SLC25A18: variants seen among roughly 807,000 people sequenced by gnomAD.
SLC25A18 encodes mitochondrial glutamate carrier 2.
SLC25A18 carries 24 observed loss-of-function variants against 31.1 expected under a neutral mutation model. That is an observed-to-expected ratio of 0.77 (90% CI 0.56 to 1.08). The LOEUF (loss-of-function observed/expected upper bound fraction) is 1.08, where lower values mean the gene tolerates loss of function less well. SLC25A18 is among the 50% of genes least tolerant of loss of function. The pLI is 0.00. For missense variants in SLC25A18, 371 were observed against 418.5 expected (o/e 0.89, Z 0.99); for synonymous variants, 173 against 161.9 (o/e 1.07, Z -0.52).
chr22:17,574,320 A>C (rs1326609576), intron 2 of SLC25A18, among the ~76,000 whole-genome samples: 2 of 152,276 alleles, frequency 1.3e-5, no homozygotes, highest in Non-Finnish European at 2.9e-5. Context: ...AATGCCAATC[A>C]AAAAGAAAAC....
chr22:17,569,555 T>C (rs2057033762), intron 1 of SLC25A18: 1 of 954,592 alleles, frequency 1.0e-6, no homozygotes, highest in African/African-American at 1.8e-5. Flanking sequence ...TGCAAAAGTG[T>C]TTGCGTTGCA....
intron 2 of SLC25A18, among the ~76,000 whole-genome samples, chr22:17,576,709 G>GCGAAAGGGAACTTC (rs1407473206): frequency 6.6e-6 from 1 of 152,178 alleles, no homozygotes; most frequent in Admixed American, 6.5e-5. Flanking sequence ...GCATAGGCCT[G>GCGAAAGGGAACTTC]CGAAAGGGAA....
intron 7 of SLC25A18, among the ~76,000 whole-genome samples, chr22:17,585,859 G>A (rs2057536020): frequency 1.3e-5 from 2 of 151,858 alleles, no homozygotes; most frequent in South Asian, 2.1e-4. Context: ...CTCCATGTTG[G>A]TCAGGCTGGT....
chr22:17,570,311 C>A (rs1404506548), intron 2 of SLC25A18: 1 of 152,324 alleles, frequency 6.6e-6, no homozygotes, highest in Non-Finnish European at 1.5e-5. Flanking sequence ...ACGTGGTCAT[C>A]ACCCTGAGGC....
At chr22:17,585,817 T>A (rs923999136) in intron 7 of SLC25A18, among the ~76,000 whole-genome samples, 2 of 151,244 alleles carry the variant, frequency 1.3e-5, no homozygotes, top group Non-Finnish European at 3.0e-5. Context: ...TCCAGCTAAT[T>A]TTTTTTTGTA....
At chr22:17,568,196 C>T (rs2056987352) in intron 1 of SLC25A18, among the ~76,000 whole-genome samples, 1 of 151,732 alleles carries the variant, frequency 6.6e-6, no homozygotes, top group South Asian at 2.1e-4. Context: ...AACCCCGTCT[C>T]TACTAAAAAA....
At position 17,582,710 on chromosome 22, in the gene SLC25A18, G is replaced by T; in HGVS notation, c.290+57G>T. Reference sequence around the variant, plus strand: ...CACTGTGTGTTTTTTGGGAGAGATGGCAGGAAGAAGATTTCAAATGTGCCT... The same window carrying T: ...CACTGTGTGTTTTTTGGGAGAGATGTCAGGAAGAAGATTTCAAATGTGCCT... On this transcript the variant is annotated intron_variant, in intron 6 of 10. Transcript: ENST00000327451. 2.1e-6 allele frequency: 3 copies of T among 1,455,262 alleles called. No homozygotes were observed. The South Asian group carries it at 3.7e-5, about 18-fold the overall frequency. The allele number at this position is 1,455,262 out of a possible 1,614,324, so 90.1% of individuals were successfully genotyped here.
chr22:17,576,491 A>C (rs1601294437), intron 2 of SLC25A18, among the ~76,000 whole-genome samples: 2 of 152,342 alleles, frequency 1.3e-5, no homozygotes, highest in South Asian at 4.1e-4. Flanking sequence ...GGCATACAGT[A>C]ATCACTCAAC....
At position 17,573,980 on chromosome 22, in the gene SLC25A18, G is replaced by A. The variant is rs574900262; in HGVS notation, c.-201+3994G>A. ...CAGTGTGGCTCACGCCTGTAATCCC[G>A]ACACTTCGGGAGGTGGAGGTGTGCG... On this transcript the variant is annotated intron_variant, in intron 2 of 10. Coordinates refer to ENST00000327451, the MANE Select transcript of SLC25A18 (RefSeq NM_031481.3). Among the ~76,000 whole-genome samples the A allele has an allele frequency of 1.4e-4, 21 of 152,244 alleles. 1 individual carries two copies. The highest frequency in any genetic ancestry group is 8.3e-4 in the South Asian group (4 of 4,816).
chr22:17,569,130 TCCC>T, intron 1 of SLC25A18, among the ~76,000 whole-genome samples: 1 of 150,260 alleles, frequency 6.7e-6, no homozygotes, highest in Non-Finnish European at 1.5e-5. Context: ...TGCCTCCGCA[TCCC>T]GAGTAGCTGG....
In SLC25A18 at chr22:17,579,755, C is replaced by T. The variant is rs889747251; in HGVS notation, c.-190C>T. The T allele has an allele frequency of 1.4e-5, 20 of 1,391,696 alleles. No individual in the cohort carries two copies. Among genetic ancestry groups the T allele is most frequent in the African/African-American group, 5.8e-5 (4 of 68,636 alleles). 86.2% of individuals were successfully genotyped at this position (1,391,696 alleles called of 1,614,324 possible). ...CTGACTACTTTGCAGGGGAGGAAGCCGCAGCCCAAGGAGGTCGTCACTTGC... is the reference window on the plus strand; with the variant it reads ...CTGACTACTTTGCAGGGGAGGAAGCTGCAGCCCAAGGAGGTCGTCACTTGC... On this transcript the variant is annotated 5_prime_UTR_variant, in exon 3 of 11. Coordinates refer to ENST00000327451, the MANE Select transcript of SLC25A18 (RefSeq NM_031481.3).
intron 2 of SLC25A18, among the ~76,000 whole-genome samples, chr22:17,572,901 G>A (rs113524256): frequency 0.062 from 9,437 of 151,926 alleles, 932 homozygotes; most frequent in African/African-American, 0.22. Flanking sequence ...TCGGCCTCCC[G>A]AAGTGCTGGG....
chr22:17,590,399 G>A lies in SLC25A18; in HGVS notation c.*163G>A. On this transcript the variant is annotated 3_prime_UTR_variant, in exon 11 of 11. Transcript: ENST00000327451. ...AAACAGCCCTATATTCTAACAAGTT[G>A]AGCACAGCCTTCTTCCCCTTCGTGT... 2 of 779,804 alleles carry A rather than the reference G, an allele frequency of 2.6e-6. No individual in the cohort carries two copies. The highest frequency in any genetic ancestry group is 3.9e-4 in the Middle Eastern group (1 of 2,536). 48.3% of individuals were successfully genotyped at this position (779,804 alleles called of 1,614,324 possible). A position where few individuals can be genotyped will look rare whatever the true frequency, so the allele number is the denominator to read the frequency against.
intron 8 of SLC25A18, 31 bp downstream of exon 8, chr22:17,587,332 G>A (rs777551614): frequency 6.3e-7 from 1 of 1,588,536 alleles, no homozygotes; most frequent in East Asian, 2.2e-5. Context: ...CCTAGGACAA[G>A]TGCACGGGGG....
At position 17,583,503 on chromosome 22, in the gene SLC25A18, C is replaced by G; in HGVS notation, c.378C>G (p.Leu126=). Residue 126 remains leucine (L), a synonymous_variant, in exon 7 of 11, where the codon CTC becomes CTG. Transcript: ENST00000327451. ...TGGTGACCTGTCCCATGGAAATGCT[C>G]AAGATTCAGCTGCAGGATGCTGGAC... ...QVVVTCPMEM[L]KIQLQDAGRL... 3 of 1,613,998 alleles carry G rather than the reference C, an allele frequency of 1.9e-6. No individual in the cohort carries two copies. The highest frequency in any genetic ancestry group is 1.7e-4 in the Middle Eastern group (1 of 6,060).
intron 2 of SLC25A18, among the ~76,000 whole-genome samples, chr22:17,573,246 C>T (rs551025009): frequency 3.9e-5 from 6 of 152,310 alleles, no homozygotes; most frequent in African/African-American, 1.4e-4. Context: ...GCAAAACAGA[C>T]AGGGTGGGCC....
chr22:17,569,603 G>A (rs1019837946), intron 1 of SLC25A18: 1 of 985,256 alleles, frequency 1.0e-6, no homozygotes, highest in Non-Finnish European at 1.2e-6. Flanking sequence ...TGGCTTCCAG[G>A]TCTCTGAGTG....
chr22:17,583,096 A>T (rs2057425735), intron 6 of SLC25A18, among the ~76,000 whole-genome samples: 1 of 152,122 alleles, frequency 6.6e-6, no homozygotes, highest in African/African-American at 2.4e-5. Flanking sequence ...ATCAGCCCCC[A>T]AACACTTTCT....
rs577525258 is a variant in SLC25A18 at position 17,572,136 on chromosome 22, G to A, written c.-201+2150G>A. On this transcript the variant is annotated intron_variant, in intron 2 of 10. Transcript: ENST00000327451. Reference sequence around the variant, plus strand: ...TGGGAGGCAGGGGTTGCAGCGAGCCGAGATCACGCCACTGCACTCCAGCCT... The same window carrying A: ...TGGGAGGCAGGGGTTGCAGCGAGCCAAGATCACGCCACTGCACTCCAGCCT... Among the ~76,000 whole-genome samples the A allele has an allele frequency of 6.6e-5, 10 of 151,764 alleles. No individual in the cohort carries two copies. The East Asian group carries it at 1.6e-3, about 24-fold the overall frequency.
Sources: gnomAD v4.1 joint callset for allele counts (sites outside exome capture counted in the v4.1 genomes callset) on GRCh38, gnomAD v4.1.1 for gene constraint, MANE v1.5 for transcripts, NCBI Gene and HGNC (gene_info 2026-07-23, HGNC 2026-07-21) for gene names.